Variants in ROBO1 observed in about 807,000 individuals in gnomAD.
ROBO1 encodes roundabout homolog 1.
Under a neutral mutation model 195.9 loss-of-function variants are expected in ROBO1, and 149 were observed. That is an observed-to-expected ratio of 0.76 (90% CI 0.67 to 0.87). ROBO1 has a LOEUF of 0.87. Ranked by LOEUF, ROBO1 falls within the 40% of genes least tolerant of loss-of-function variation. The pLI, the probability that ROBO1 is intolerant of heterozygous loss-of-function variation, is 0.00. For missense variants in ROBO1, 1,933 were observed against 2,068.3 expected, an observed-to-expected ratio of 0.93 and a Z score of 1.27; for synonymous variants, 816 against 733.2, an observed-to-expected ratio of 1.11 and a Z score of -1.82.
chr3:79,422,597 G>T (rs887772568), intron 2 of ROBO1, among the ~76,000 whole-genome samples: 2 of 152,026 alleles, frequency 1.3e-5, no homozygotes, highest in African/African-American at 4.8e-5. Context: ...ATAGCAAAAA[G>T]GAAATAGAGA....
At chr3:78,607,209 T>C (rs1703519506) in intron 28 of ROBO1, 168 bp from the exon 29 acceptor site, 7 of 643,300 alleles carry the variant, frequency 1.1e-5, no homozygotes, top group South Asian at 8.7e-5. Context: ...TTAAAATTTA[T>C]GTTTATTTAT....
chr3:78,731,395 A>G (rs1234895181), intron 5 of ROBO1, among the ~76,000 whole-genome samples: 2 of 152,152 alleles, frequency 1.3e-5, no homozygotes, highest in Non-Finnish European at 2.9e-5. Context: ...AGCCTGCACT[A>G]GAAGTTATAT....
intron 2 of ROBO1, among the ~76,000 whole-genome samples, chr3:79,318,388 A>G (rs1420297875): frequency 6.6e-6 from 1 of 152,172 alleles, no homozygotes; most frequent in Non-Finnish European, 1.5e-5. Context: ...CATTGCATAT[A>G]CTATGTCACT....
At chr3:79,210,062 A>G (rs1314775302) in intron 2 of ROBO1, among the ~76,000 whole-genome samples, 3 of 152,200 alleles carry the variant, frequency 2.0e-5, no homozygotes, top group Non-Finnish European at 4.4e-5. Context: ...CATAGATGAC[A>G]CAAACAAATG....
intron 3 of ROBO1, among the ~76,000 whole-genome samples, chr3:78,970,829 CAGTT>C (rs2076748413): frequency 1.3e-5 from 2 of 151,704 alleles, no homozygotes; most frequent in African/African-American, 4.8e-5. Context: ...TTTATTCAGT[CAGTT>C]AGTAATAGGG....
chr3:79,597,199 G>A (rs997220580), intron 1 of ROBO1, among the ~76,000 whole-genome samples: 3 of 151,540 alleles, frequency 2.0e-5, no homozygotes, highest in Non-Finnish European at 2.9e-5. Flanking sequence ...TAGATAATAC[G>A]GTGTGTATAA....
At chr3:79,265,006 C>G (rs2083011590) in intron 2 of ROBO1, among the ~76,000 whole-genome samples, 1 of 151,900 alleles carries the variant, frequency 6.6e-6, no homozygotes, top group Admixed American at 6.6e-5. Context: ...AGGAGAGAAC[C>G]ATAGAATCAG....
chr3:79,662,046 T>C (rs1946345290), intron 1 of ROBO1, among the ~76,000 whole-genome samples: 1 of 152,054 alleles, frequency 6.6e-6, no homozygotes, highest in Non-Finnish European at 1.5e-5. Context: ...TTACAGGTTT[T>C]CTATGATAAT....
intron 2 of ROBO1, among the ~76,000 whole-genome samples, chr3:79,514,880 C>T (rs531594127): frequency 6.0e-4 from 91 of 152,252 alleles, no homozygotes; most frequent in African/African-American, 2.0e-3. Context: ...CTTAAAGTAC[C>T]TTTGCTGTCT....
chr3:79,373,913 C>T (rs201828733), intron 2 of ROBO1, among the ~76,000 whole-genome samples: 1 of 152,126 alleles, frequency 6.6e-6, no homozygotes, highest in Non-Finnish European at 1.5e-5. Flanking sequence ...TACTGTTATC[C>T]ATTTATGCTA....
intron 2 of ROBO1, among the ~76,000 whole-genome samples, chr3:79,564,777 CTATT>C (rs1388939547): frequency 1.4e-4 from 21 of 151,968 alleles, no homozygotes; most frequent in East Asian, 1.4e-3. Flanking sequence ...AATTAATAAA[CTATT>C]TAAATGCTTC....
At chr3:78,882,562 C>T (rs1049786286) in intron 4 of ROBO1, among the ~76,000 whole-genome samples, 3 of 152,136 alleles carry the variant, frequency 2.0e-5, no homozygotes, top group African/African-American at 4.8e-5. Flanking sequence ...TTCTTCTCCA[C>T]TGCATCTTTC....
At chr3:79,176,265 G>T (rs1444761817) in intron 2 of ROBO1, among the ~76,000 whole-genome samples, 1 of 152,246 alleles carries the variant, frequency 6.6e-6, no homozygotes, top group East Asian at 1.9e-4. Context: ...TAAAGGTAAA[G>T]CTTCAGAAGA....
intron 3 of ROBO1, chr3:79,018,501 G>A (rs369141094): frequency 3.4e-5 from 55 of 1,612,402 alleles, no homozygotes; most frequent in Admixed American, 1.2e-4. Context: ...CATGCCAAGA[G>A]GAGGGAGTGG....
At chr3:78,880,849 G>T (rs1447699333) in intron 4 of ROBO1, among the ~76,000 whole-genome samples, 2 of 152,110 alleles carry the variant, frequency 1.3e-5, no homozygotes, top group Non-Finnish European at 2.9e-5. Context: ...AACCAGCTCT[G>T]TATCTAGGTC....
chr3:78,870,917 C>A (rs574081559), intron 4 of ROBO1, among the ~76,000 whole-genome samples: 4 of 152,004 alleles, frequency 2.6e-5, no homozygotes, highest in Non-Finnish European at 4.4e-5. Flanking sequence ...TCCAGATATG[C>A]AAAATAGGAA....
At chr3:78,961,399 T>C (rs1164299479) in intron 3 of ROBO1, among the ~76,000 whole-genome samples, 1 of 152,194 alleles carries the variant, frequency 6.6e-6, no homozygotes, top group Non-Finnish European at 1.5e-5. Context: ...CTGATGTGTT[T>C]AAGAATAGTA....
intron 1 of ROBO1, among the ~76,000 whole-genome samples, chr3:79,674,707 T>C (rs1228619264): frequency 1.3e-5 from 2 of 151,862 alleles, no homozygotes; most frequent in Non-Finnish European, 2.9e-5. Context: ...GATTTAAATA[T>C]TCTATATTAT....
intron 1 of ROBO1, among the ~76,000 whole-genome samples, chr3:79,704,736 G>T (rs1417047208): frequency 6.6e-6 from 1 of 152,002 alleles, no homozygotes; most frequent in Non-Finnish European, 1.5e-5. Context: ...TAATAGGAGT[G>T]TATTTACTTT....
Sources: gnomAD v4.1 joint callset for allele counts (sites outside exome capture counted in the v4.1 genomes callset) on GRCh38, gnomAD v4.1.1 for gene constraint, MANE v1.5 for transcripts, NCBI Gene and HGNC (gene_info 2026-07-23, HGNC 2026-07-21) for gene names.